Variants in COG6 observed in about 807,000 individuals in gnomAD.
COG6 encodes the protein conserved oligomeric Golgi complex subunit 6.
COG6 carries 74 observed loss-of-function variants against 88.8 expected under a neutral mutation model. That is an observed-to-expected ratio of 0.83 (90% CI 0.69 to 1.01). The LOEUF (loss-of-function observed/expected upper bound fraction) is 1.01. Ranked by LOEUF, COG6 falls within the 50% of genes least tolerant of loss-of-function variation. The probability of loss-of-function intolerance (pLI) is 0.00; values close to 1 mark genes in which losing one functional copy is unlikely to be tolerated. For missense variants in COG6, 800 were observed against 797.9 expected, an observed-to-expected ratio of 1.00 and a Z score of -0.03; for synonymous variants, 286 against 278.7, an observed-to-expected ratio of 1.03 and a Z score of -0.26.
intron 7 of COG6, among the ~76,000 whole-genome samples, chr13:39,681,418 G>T (rs796563548): frequency 6.6e-6 from 1 of 152,072 alleles, no homozygotes; most frequent in African/African-American, 2.4e-5. Context: ...CATGGACATT[G>T]ACTCAAATTT....
intron 18 of COG6, among the ~76,000 whole-genome samples, chr13:39,733,186 A>ATTCTTTT (rs1463422131): frequency 1.3e-5 from 2 of 150,496 alleles, no homozygotes; most frequent in Non-Finnish European, 3.0e-5. Flanking sequence ...AAAAGAAAGA[A>ATTCTTTT]TTCTTTTTTT....
intron 18 of COG6, among the ~76,000 whole-genome samples, chr13:39,743,874 A>T (rs1880188620): frequency 6.6e-6 from 1 of 152,210 alleles, no homozygotes; most frequent in East Asian, 1.9e-4. Flanking sequence ...GGCAAACTGA[A>T]TCCAGCAGCA....
intron 5 of COG6, chr13:39,678,085 G>A (rs746272735): frequency 6.8e-6 from 3 of 441,010 alleles, no homozygotes; most frequent in South Asian, 3.2e-5. Context: ...CTTTTTTTTT[G>A]AGACAGGGTC....
chr13:39,776,775 T>C (rs7993214), intron 18 of COG6, among the ~76,000 whole-genome samples: 102,977 of 151,976 alleles, frequency 0.68, 34,992 homozygotes, highest in Admixed American at 0.78. Flanking sequence ...AAGCTGCTTT[T>C]GTAGTGGGGA....
intron 12 of COG6, among the ~76,000 whole-genome samples, chr13:39,698,225 T>A (rs1341434473): frequency 1.3e-5 from 2 of 152,022 alleles, no homozygotes; most frequent in Non-Finnish European, 2.9e-5. Context: ...TCTCCAAATT[T>A]TTCATTAAAT....
At chr13:39,706,395 A>G (rs1289719153) in intron 13 of COG6, among the ~76,000 whole-genome samples, 1 of 150,406 alleles carries the variant, frequency 6.6e-6, no homozygotes, top group Non-Finnish European at 1.5e-5. Flanking sequence ...CTAAGAAGCT[A>G]CACAACAGAA....
chr13:39,673,905 A>G (rs1203149334), intron 4 of COG6, among the ~76,000 whole-genome samples: 1 of 152,020 alleles, frequency 6.6e-6, no homozygotes, highest in Non-Finnish European at 1.5e-5. Context: ...GTCCTGAAAT[A>G]TAATGCCTAA....
intron 13 of COG6, among the ~76,000 whole-genome samples, chr13:39,704,171 A>G (rs1232812870): frequency 6.6e-6 from 1 of 152,156 alleles, no homozygotes; most frequent in East Asian, 1.9e-4. Flanking sequence ...GTAAGTTTCT[A>G]TATATTTTAT....
chr13:39,743,228 G>A (rs1880147033), intron 18 of COG6, among the ~76,000 whole-genome samples: 1 of 152,136 alleles, frequency 6.6e-6, no homozygotes, highest in Non-Finnish European at 1.5e-5. Context: ...TGAAAAGCTA[G>A]CAGAAGGCAA....
At chr13:39,720,727 T>C (rs1878806510) in intron 15 of COG6, among the ~76,000 whole-genome samples, 1 of 152,086 alleles carries the variant, frequency 6.6e-6, no homozygotes, top group South Asian at 2.1e-4. Context: ...CTTCTTTTGG[T>C]ATTTATATTT....
chr13:39,784,374 C>T (rs1421138811), intron 18 of COG6, among the ~76,000 whole-genome samples: 1 of 152,166 alleles, frequency 6.6e-6, no homozygotes, highest in Non-Finnish European at 1.5e-5. Context: ...TTGGAGGAGA[C>T]CACCACTACC....
At chr13:39,719,862 T>C (rs377183449) in intron 15 of COG6, 35 bp downstream of exon 15, 178 of 1,520,758 alleles carry the variant, frequency 1.2e-4, no homozygotes, top group African/African-American at 8.5e-4. Flanking sequence ...TTGACTATGA[T>C]TGAATCTTTT....
At chr13:39,679,134 C>T (rs1275060713) in intron 5 of COG6, among the ~76,000 whole-genome samples, 1 of 152,036 alleles carries the variant, frequency 6.6e-6, no homozygotes. Flanking sequence ...ACAACAGATA[C>T]ATAAAACATC....
chr13:39,679,353 TC>T (rs757077288), intron 5 of COG6, 184 bp from the exon 6 acceptor site: 42 of 599,816 alleles, frequency 7.0e-5, no homozygotes, highest in Non-Finnish European at 1.0e-4. Flanking sequence ...TATTAATATG[TC>T]TTAAAATGTG....
chr13:39,782,033 A>G (rs1003077075), intron 18 of COG6, among the ~76,000 whole-genome samples: 7 of 152,210 alleles, frequency 4.6e-5, no homozygotes, highest in Non-Finnish European at 8.8e-5. Flanking sequence ...GATAGCATTC[A>G]TTGATTTTAA....
chr13:39,716,483 C>T (rs1392788546), intron 13 of COG6, among the ~76,000 whole-genome samples: 1 of 151,830 alleles, frequency 6.6e-6, no homozygotes, highest in East Asian at 1.9e-4. Flanking sequence ...ATGTTTAATC[C>T]ATTTACACTT....
At chr13:39,774,837 T>C (rs1881418527) in intron 18 of COG6, among the ~76,000 whole-genome samples, 1 of 152,096 alleles carries the variant, frequency 6.6e-6, no homozygotes, top group Non-Finnish European at 1.5e-5. Context: ...CCTTCCAAAG[T>C]GCTGGGATTA....
chr13:39,704,063 T>G (rs1877741224), intron 13 of COG6, among the ~76,000 whole-genome samples: 1 of 152,128 alleles, frequency 6.6e-6, no homozygotes, highest in East Asian at 1.9e-4. Context: ...TGCAACAAAT[T>G]TTTAATCTAC....
In COG6 at chr13:39,751,953, A is replaced by G. The variant is rs1016162818; in HGVS notation, c.*860A>G. The G allele has an allele frequency of 1.6e-6, 2 of 1,223,172 alleles. No homozygotes were observed. The highest frequency in any genetic ancestry group is 3.1e-5 in the African/African-American group (2 of 64,370). The allele number at this position is 1,223,172 out of a possible 1,614,324, so 75.8% of individuals were successfully genotyped here. On this transcript the variant is annotated 3_prime_UTR_variant, in exon 19 of 19. Coordinates refer to ENST00000455146, the MANE Select transcript of COG6 (RefSeq NM_020751.3). ...AACTACACATTTTATCTGGTGTTCA[A>G]ACCAAAGAAACAATGATCTACTCAA... is the stretch of plus-strand genomic sequence containing the variant.
Sources: gnomAD v4.1 joint callset for allele counts (sites outside exome capture counted in the v4.1 genomes callset) on GRCh38, gnomAD v4.1.1 for gene constraint, MANE v1.5 for transcripts, NCBI Gene and HGNC (gene_info 2026-07-23, HGNC 2026-07-21) for gene names.